Variants in RIN2 observed in about 807,000 individuals in gnomAD.
RIN2 encodes RAB5 interacting protein 2.
RIN2 carries 36 observed loss-of-function variants against 78.0 expected under a neutral mutation model. The ratio of observed to expected loss-of-function variants is 0.46; its 90% CI spans 0.35 to 0.61. The LOEUF is 0.61. RIN2 is among the 20% of genes least tolerant of loss of function. The pLI is 0.00. For missense variants in RIN2, 1,087 were observed against 1,159.7 expected, an observed-to-expected ratio of 0.94 and a Z score of 0.91; for synonymous variants, 466 against 466.8, an observed-to-expected ratio of 1.00 and a Z score of 0.02.
intron 2 of RIN2, among the ~76,000 whole-genome samples, chr20:19,870,227 G>A (rs2328470): frequency 0.26 from 39,099 of 152,084 alleles, 5,112 homozygotes; most frequent in East Asian, 0.32. Flanking sequence ...ATCTAAACCC[G>A]AGATGCCAAT....
At chr20:19,787,402 G>A (rs147101973) in intron 1 of RIN2, among the ~76,000 whole-genome samples, 2,739 of 140,644 alleles carry the variant, frequency 0.019, 47 homozygotes, top group South Asian at 0.049. Context: ...CTGCCTGGGC[G>A]ACAGAGCAAG....
intron 1 of RIN2, among the ~76,000 whole-genome samples, chr20:19,782,402 T>C (rs2122537726): frequency 6.6e-6 from 1 of 152,138 alleles, no homozygotes; most frequent in African/African-American, 2.4e-5. Flanking sequence ...CCGCTTCTAC[T>C]AAAATTACAA....
At chr20:19,862,317 C>A (rs376804992) in intron 2 of RIN2, among the ~76,000 whole-genome samples, 1 of 152,140 alleles carries the variant, frequency 6.6e-6, no homozygotes, top group African/African-American at 2.4e-5. Context: ...CTTGGCCGGG[C>A]GTGTTGGCTC....
intron 11 of RIN2, 49 bp from the exon 12 acceptor site, chr20:19,996,630 G>A (rs771397245): frequency 2.9e-5 from 47 of 1,598,136 alleles, no homozygotes; most frequent in Admixed American, 1.3e-4. Flanking sequence ...GTTATCACCC[G>A]TGAGCGGAGG....
rs59159755 is a variant in RIN2 at position 19,839,648 on chromosome 20, A to G, written c.-37+39901A>G. Among the ~76,000 whole-genome samples the G allele has an allele frequency of 5.1e-3, 773 of 151,862 alleles. 18 individuals are homozygous for G. The highest frequency in any genetic ancestry group is 0.042 in the Admixed American group (638 of 15,260). On this transcript the variant is annotated intron_variant, in intron 2 of 12. Coordinates refer to ENST00000255006, the MANE Select transcript of RIN2 (RefSeq NM_018993.4). ...ACCTCCCCCTGGAGGATCTAGTTCC[A>G]CCCTTACCTCTGGTTTCTCTCCTGG... is the stretch of plus-strand genomic sequence containing the variant.
In RIN2 at chr20:19,903,511, A is replaced by C. The variant is rs2039080287; in HGVS notation, c.57+13853A>C. On this transcript the variant is annotated intron_variant, in intron 3 of 12. Transcript: ENST00000255006. ...AGGCTTGTTTCAGGGTCTCAAAGAC[A>C]CAGGTCACTTGGGGTTCTGTTCCGG... Among the ~76,000 whole-genome samples, 4 of 152,316 alleles carry C rather than the reference A, an allele frequency of 2.6e-5. No individual in the cohort carries two copies. The East Asian group carries it at 7.7e-4, about 29-fold the overall frequency.
chr20:19,851,039 AAGGAAGGAAGGAGAAAGAAAGG>A (rs2036955027), intron 2 of RIN2, among the ~76,000 whole-genome samples: 3 of 96,354 alleles, frequency 3.1e-5, no homozygotes, highest in African/African-American at 7.9e-5. Flanking sequence ...GGAAGGAAGG[AAGGAAGGAAGGAGAAAGAAAGG>A]AAGGAAGGAA....
chr20:19,817,353 C>A (rs2035796648), intron 2 of RIN2, among the ~76,000 whole-genome samples: 1 of 152,170 alleles, frequency 6.6e-6, no homozygotes, highest in Admixed American at 6.5e-5. Context: ...CTAGCTGTGT[C>A]CTCACTTGGC....
Position 20,001,227 on chromosome 20 carries a change from G to A in RIN2, c.*291G>A. 1 of 397,746 alleles carries A rather than the reference G, an allele frequency of 2.5e-6. No homozygotes were observed. The highest frequency in any genetic ancestry group is 4.2e-5 in the East Asian group (1 of 23,944). The allele number at this position is 397,746 out of a possible 1,614,324, so 24.6% of individuals were successfully genotyped here. A position where few individuals can be genotyped will look rare whatever the true frequency, so the allele number is the denominator to read the frequency against. On this transcript the variant is annotated 3_prime_UTR_variant, in exon 13 of 13. Transcript: ENST00000255006. The stretch of plus-strand genomic sequence containing the variant: ...AGTCAGGTTCTAGGTTGGCTTACAG[G>A]TATGTATATGTGCAGAAGAAACACT...
intron 7 of RIN2, 48 bp from the exon 8 acceptor site, chr20:19,970,790 A>G: frequency 7.1e-7 from 1 of 1,399,142 alleles, no homozygotes; most frequent in Non-Finnish European, 1.0e-6. Flanking sequence ...CACAAGATAG[A>G]AAGCAGACAT....
chr20:19,768,048 G>A (rs1355647760), intron 1 of RIN2, among the ~76,000 whole-genome samples: 1 of 152,116 alleles, frequency 6.6e-6, no homozygotes, highest in Non-Finnish European at 1.5e-5. Flanking sequence ...CAGGACAAGT[G>A]GAGGACAACT....
intron 1 of RIN2, among the ~76,000 whole-genome samples, chr20:19,771,363 A>G (rs1052967964): frequency 1.3e-5 from 2 of 152,224 alleles, no homozygotes; most frequent in African/African-American, 4.8e-5. Context: ...GGCAGGAAAC[A>G]GGGTTAAAGA....
At chr20:19,823,383 GC>G in intron 2 of RIN2, 1 of 589,668 alleles carries the variant, frequency 1.7e-6, no homozygotes, top group Non-Finnish European at 2.9e-6. Context: ...CATCTGCTCT[GC>G]CTGCTTTTTT....
chr20:19,942,234 T>C (rs1013544916), intron 4 of RIN2, among the ~76,000 whole-genome samples: 1 of 152,162 alleles, frequency 6.6e-6, no homozygotes, highest in Admixed American at 6.5e-5. Flanking sequence ...GTGAGTATCA[T>C]GTAACGAAAT....
rs763865926 is a variant in RIN2, at chr20:19,889,600, A to C, written c.-2A>C. 7 of 1,551,958 alleles carry C rather than the reference A, an allele frequency of 4.5e-6. No homozygotes were observed. Among genetic ancestry groups the C allele is most frequent in the Non-Finnish European group, 6.1e-6 (7 of 1,147,178 alleles). ...GCGTGCAGTGGAGCCTCGCTGGGGG[A>C]AATGACAGCTTGGACCATGGGCGCC... On this transcript the variant is annotated 5_prime_UTR_variant, in exon 3 of 13. Transcript: ENST00000255006.
chr20:19,853,151 C>T (rs1285537964), intron 2 of RIN2, among the ~76,000 whole-genome samples: 9 of 150,902 alleles, frequency 6.0e-5, no homozygotes, highest in East Asian at 5.9e-4. Context: ...TTTGTCCTTG[C>T]GATAGTTTGC....
chr20:19,795,131 G>A lies in RIN2; in HGVS notation c.-162-4491G>A, dbSNP rs183483490. 2.9e-4 allele frequency among the ~76,000 whole-genome samples: 44 copies of A among 152,300 alleles called. No homozygotes were observed. In the East Asian group the frequency reaches 7.9e-3, roughly 27 times the overall value. On this transcript the variant is annotated intron_variant, in intron 1 of 12. Transcript: ENST00000255006. ...GGTGACACTGGCCCAGGAAGGTCAG[G>A]ACAGCATCCCAAGTTGTTCCAGCTG...
rs73901324 is a variant in RIN2 at position 19,894,208 on chromosome 20, G to A, written c.57+4550G>A. ...ATCACATTTCAAAGGTACATTGAACGAAAGAGTTTGTATAAGAAAGATGTC... is the reference window on the plus strand; with the variant it reads ...ATCACATTTCAAAGGTACATTGAACAAAAGAGTTTGTATAAGAAAGATGTC... On this transcript the variant is annotated intron_variant, in intron 3 of 12. Transcript: ENST00000255006. Among the ~76,000 whole-genome samples, 859 of 152,206 alleles carry A rather than the reference G, an allele frequency of 5.6e-3. 6 individuals carry two copies. Among genetic ancestry groups the A allele is most frequent in the African/African-American group, 0.019 (790 of 41,542 alleles).
chr20:19,934,617 A>T (rs2040561576), intron 3 of RIN2: 1 of 979,794 alleles, frequency 1.0e-6, no homozygotes, highest in Non-Finnish European at 1.2e-6. Context: ...GTCAGAAATC[A>T]ATATGTAAGC....
Sources: allele counts gnomAD v4.1 joint callset (sites outside exome capture counted in the v4.1 genomes callset), GRCh38; gene constraint gnomAD v4.1.1; transcripts MANE v1.5; gene names NCBI Gene and HGNC (gene_info 2026-07-23, HGNC 2026-07-21).